Variants in TENM1 observed in about 807,000 individuals in gnomAD.
The protein encoded by TENM1 is teneurin transmembrane protein 1.
TENM1 carries 35 observed loss-of-function variants against 174.8 expected under a neutral mutation model. The observed-to-expected ratio is 0.20, with a 90% CI of 0.15 to 0.27. TENM1 has a LOEUF of 0.27. Among genes scored for constraint, TENM1 ranks in the 10% least tolerant of loss-of-function variants. The pLI, the probability that TENM1 is intolerant of heterozygous loss-of-function variation, is 1.00. For missense variants in TENM1, 1,633 were observed against 2,130.1 expected (o/e 0.77, Z 4.59); for synonymous variants, 781 against 798.7 (o/e 0.98, Z 0.37).
At position 124,530,469 on chromosome X, in the gene TENM1, T is replaced by A. The variant is rs757691194; in HGVS notation, c.2652-486A>T. ...GTTAATACATAAATATATTGTAAGA[T>A]AAGACTAAAGTCCCTACTGACCGCC... On this transcript the variant is annotated intron_variant, in intron 15 of 31. Transcript: ENST00000422452. Among the ~76,000 whole-genome samples the A allele has an allele frequency of 1.7e-3, 194 of 111,473 alleles. 1 individual carries two copies. Among genetic ancestry groups the A allele is most frequent in the African/African-American group, 5.9e-3 (181 of 30,719 alleles).
At chrX:124,649,818 G>A (rs890474566) in intron 8 of TENM1, among the ~76,000 whole-genome samples, 2 of 111,825 alleles carry the variant, frequency 1.8e-5, no homozygotes, top group Admixed American at 9.5e-5. Context: ...AATGAGCAGC[G>A]TTTAGAGCAA....
chrX:125,007,919 G>A, the TENM1 span, among the ~76,000 whole-genome samples: 2 of 111,897 alleles, frequency 1.8e-5, no homozygotes, highest in East Asian at 5.6e-4. Flanking sequence ...ACCAGCCACT[G>A]CAAAAACACA....
At chrX:124,521,205 T>C (rs1362839312) in intron 17 of TENM1, among the ~76,000 whole-genome samples, 1 of 111,954 alleles carries the variant, frequency 8.9e-6, no homozygotes, top group African/African-American at 3.2e-5. Context: ...TGTTAAGTCA[T>C]ATATCATAAA....
At chrX:124,459,081 C>G (rs1409832438) in intron 22 of TENM1, among the ~76,000 whole-genome samples, 1 of 111,038 alleles carries the variant, frequency 9.0e-6, no homozygotes, top group Non-Finnish European at 1.9e-5. Context: ...TAGATAAGCA[C>G]TAGTTTGGGG....
At position 124,963,563 on chromosome X, in the gene TENM1, C is replaced by G. The variant is rs762015654; in HGVS notation, c.191G>C (p.Arg64Thr). The change falls in exon 1 of 32, where the codon AGG (arginine) becomes ACG (threonine). Residue 64 changes from arginine (R) to threonine (T), a missense_variant. This residue lies in a region of TENM1 where 305 missense variants were observed against 309.2 expected (regional missense o/e 0.99). Coordinates refer to ENST00000422452, the Ensembl canonical transcript of TENM1. ...TTGAGTAGATTTTTCTACTTCTTTC[C>G]TCTTTCTACTCTGGCTATTGTAATT... is the stretch of plus-strand genomic sequence containing the variant. 1.7e-6 allele frequency: 2 copies of G among 1,209,756 alleles called. No homozygotes were observed. Among genetic ancestry groups the G allele is most frequent in the South Asian group, 3.5e-5 (2 of 56,746 alleles).
intron 14 of TENM1, among the ~76,000 whole-genome samples, chrX:124,551,543 C>T (rs921141080): frequency 9.0e-6 from 1 of 110,566 alleles, no homozygotes; most frequent in Non-Finnish European, 1.9e-5. Context: ...CACACACACA[C>T]ACACACACAC....
At chrX:125,159,915 G>A in the TENM1 span, among the ~76,000 whole-genome samples, 4 of 111,689 alleles carry the variant, frequency 3.6e-5, no homozygotes, top group African/African-American at 1.3e-4. Flanking sequence ...AAAAGAAATT[G>A]GAGGCAGGGC....
At chrX:125,068,883 C>T in the TENM1 span, among the ~76,000 whole-genome samples, 1 of 112,032 alleles carries the variant, frequency 8.9e-6, no homozygotes, top group African/African-American at 3.2e-5. Flanking sequence ...ACGGACAGGT[C>T]CAGGATAGCT....
the TENM1 span, among the ~76,000 whole-genome samples, chrX:125,201,755 T>C: frequency 1.8e-5 from 2 of 111,727 alleles, no homozygotes; most frequent in Middle Eastern, 4.6e-3. Context: ...TCATGAAAAG[T>C]TTTCAACATT....
At chrX:125,167,630 A>C in the TENM1 span, among the ~76,000 whole-genome samples, 1 of 111,567 alleles carries the variant, frequency 9.0e-6, no homozygotes, top group South Asian at 3.7e-4. Context: ...GGTTTCGCCC[A>C]TGTTTTTCAG....
At chrX:124,625,020 A>G (rs1359620490) in intron 11 of TENM1, among the ~76,000 whole-genome samples, 1 of 111,681 alleles carries the variant, frequency 9.0e-6, no homozygotes, top group Admixed American at 9.5e-5. Context: ...TGCACACTAT[A>G]TTTAAAAATG....
chrX:124,869,062 CAAAAAA>C (rs146594515), intron 3 of TENM1, among the ~76,000 whole-genome samples: 2 of 52,804 alleles, frequency 3.8e-5, no homozygotes, highest in Non-Finnish European at 7.4e-5. Context: ...CCGTCTCTAC[CAAAAAA>C]AAAAAAAAAA....
intron 3 of TENM1, among the ~76,000 whole-genome samples, chrX:124,893,423 G>A (rs986618130): frequency 1.9e-4 from 21 of 112,788 alleles, no homozygotes; most frequent in African/African-American, 6.4e-4. Context: ...TCATAAGGAT[G>A]AAATGGGATA....
At chrX:125,117,004 C>CT in the TENM1 span, among the ~76,000 whole-genome samples, 1 of 81,969 alleles carries the variant, frequency 1.2e-5, no homozygotes, top group Non-Finnish European at 2.2e-5. Context: ...GTGCAAGACT[C>CT]TGTCTCAAAA....
chrX:125,069,684 G>A, the TENM1 span, among the ~76,000 whole-genome samples: 1 of 110,786 alleles, frequency 9.0e-6, no homozygotes, highest in African/African-American at 3.3e-5. Flanking sequence ...GGGTTGATAG[G>A]TGCAGCAAAC....
chrX:125,090,120 G>T, the TENM1 span, among the ~76,000 whole-genome samples: 2 of 111,629 alleles, frequency 1.8e-5, no homozygotes, highest in African/African-American at 6.5e-5. Flanking sequence ...TTGTAATGTT[G>T]TTTATTCTTT....
chrX:125,092,334 T>C, the TENM1 span, among the ~76,000 whole-genome samples: 1 of 111,808 alleles, frequency 8.9e-6, no homozygotes, highest in Non-Finnish European at 1.9e-5. Flanking sequence ...TGATTAAGTA[T>C]TTTATGCATT....
chrX:124,844,505 G>T (rs936496927), intron 3 of TENM1, among the ~76,000 whole-genome samples: 11 of 111,171 alleles, frequency 9.9e-5, no homozygotes, highest in African/African-American at 3.6e-4. Context: ...GGTTGACGGG[G>T]GTGGTAATCA....
At chrX:125,056,987 A>C in the TENM1 span, among the ~76,000 whole-genome samples, 31 of 111,810 alleles carry the variant, frequency 2.8e-4, no homozygotes, top group South Asian at 7.4e-3. Context: ...AACAAACAAA[A>C]AAAAATCCAC....
Sources: allele counts gnomAD v4.1 joint callset (sites outside exome capture counted in the v4.1 genomes callset), GRCh38; gene constraint gnomAD v4.1.1; regional missense constraint gnomAD v4.1.1; transcripts MANE v1.5; gene names NCBI Gene and HGNC (gene_info 2026-07-23, HGNC 2026-07-21).